Variants in LAMC3 observed in about 807,000 individuals in gnomAD.
The protein encoded by LAMC3 is laminin subunit gamma-3.
LAMC3 carries 128 observed loss-of-function variants against 173.8 expected under a neutral mutation model. That is an observed-to-expected ratio of 0.74 (90% CI 0.64 to 0.85). The LOEUF is 0.85. Ranked by LOEUF, LAMC3 falls within the 40% of genes least tolerant of loss-of-function variation. LAMC3 has a pLI of 0.00. For missense variants in LAMC3, 2,022 were observed against 2,156.0 expected, an observed-to-expected ratio of 0.94 and a Z score of 1.23; for synonymous variants, 897 against 909.1, an observed-to-expected ratio of 0.99 and a Z score of 0.24.
At chr9:131,048,900 G>A in intron 8 of LAMC3, 120 bp from the exon 9 acceptor site, 1 of 626,344 alleles carries the variant, frequency 1.6e-6, no homozygotes, top group East Asian at 2.8e-5. Flanking sequence ...CCGGGTCCCT[G>A]AGCTTTCTAG....
chr9:131,061,792 G>A (rs1829831022), intron 13 of LAMC3, among the ~76,000 whole-genome samples: 1 of 152,190 alleles, frequency 6.6e-6, no homozygotes, highest in Non-Finnish European at 1.5e-5. Flanking sequence ...GCTCATGCCT[G>A]TAATCTCAGC....
chr9:131,082,228 G>A (rs978160385), intron 24 of LAMC3, 67 bp downstream of exon 24: 16 of 1,191,138 alleles, frequency 1.3e-5, no homozygotes, highest in African/African-American at 7.6e-5. Flanking sequence ...CTCACCTCTC[G>A]CCTCAGCCAG....
intron 21 of LAMC3, 99 bp downstream of exon 21, chr9:131,076,064 A>T: frequency 8.2e-7 from 1 of 1,218,504 alleles, no homozygotes; most frequent in South Asian, 1.5e-5. Context: ...AGCTCCCTTG[A>T]GTCCTGACGT....
rs1833376564 is a variant in LAMC3 at position 131,009,671 on chromosome 9, C to T, written c.373+84C>T. 3 of 1,491,762 alleles carry T rather than the reference C, an allele frequency of 2.0e-6. No individual in the cohort carries two copies. The highest frequency in any genetic ancestry group is 2.4e-5 in the South Asian group (2 of 81,942). The allele number at this position is 1,491,762 out of a possible 1,614,324, so 92.4% of individuals were successfully genotyped here. Reference sequence around the variant, plus strand: ...TGAGGCTGAGGCCTGAGCTGCTGTGCGCCCAGGTTGGGCTGCAGGACCCAG... The same window carrying T: ...TGAGGCTGAGGCCTGAGCTGCTGTGTGCCCAGGTTGGGCTGCAGGACCCAG... On this transcript the variant is annotated intron_variant, in intron 1 of 27. Coordinates refer to ENST00000361069, the MANE Select transcript of LAMC3 (RefSeq NM_006059.4). The surrounding 1 kb of genome is among the most constrained non-coding windows in gnomAD (Gnocchi z 4.3).
At position 131,009,573 on chromosome 9, in the gene LAMC3, T is replaced by C. The variant is rs150559384; in HGVS notation, c.359T>C (p.Ile120Thr). Residue 120 changes from isoleucine to threonine, a missense_variant, in exon 1 of 28, where the codon ATC becomes ACC. Coordinates refer to ENST00000361069, the MANE Select transcript of LAMC3 (RefSeq NM_006059.4). The surrounding 1 kb of genome is among the most constrained non-coding windows in gnomAD (Gnocchi z 4.3). ...GTGCAGTACCCCACCTCGGTCAACA[T>C]CACCCTCCGCCTAGGTAAGCGCGGG... ...FGVQYPTSVN[I>T]TLRLGKAYEI... The C allele has an allele frequency of 7.5e-5, 118 of 1,572,934 alleles. No homozygotes were observed. Among genetic ancestry groups the C allele is most frequent in the Non-Finnish European group, 1.6e-5 (18 of 1,160,350 alleles).
chr9:131,048,495 C>A (rs144069924), intron 8 of LAMC3, among the ~76,000 whole-genome samples: 1 of 152,294 alleles, frequency 6.6e-6, no homozygotes, highest in East Asian at 1.9e-4. Flanking sequence ...TCATTGCCCG[C>A]TACCCCCTGG....
intron 14 of LAMC3, among the ~76,000 whole-genome samples, chr9:131,067,448 A>G (rs1048623650): frequency 7.9e-5 from 12 of 152,016 alleles, no homozygotes; most frequent in African/African-American, 2.9e-4. Flanking sequence ...CGAAGCCTGG[A>G]TTGTCTAGTG....
intron 7 of LAMC3, among the ~76,000 whole-genome samples, chr9:131,042,663 C>G (rs543194386): frequency 3.4e-4 from 52 of 151,870 alleles, no homozygotes; most frequent in African/African-American, 1.2e-3. Flanking sequence ...CCTTTCACAG[C>G]CATGGCAGAC....
chr9:131,082,982 C>T (rs781584269), intron 24 of LAMC3, among the ~76,000 whole-genome samples: 13 of 152,228 alleles, frequency 8.5e-5, no homozygotes, highest in Non-Finnish European at 1.5e-4. Context: ...AGCTTCCTGG[C>T]GGCTTGAAGT....
At chr9:131,037,055 G>A (rs1833959615) in intron 4 of LAMC3, among the ~76,000 whole-genome samples, 1 of 152,174 alleles carries the variant, frequency 6.6e-6, no homozygotes, top group African/African-American at 2.4e-5. Flanking sequence ...CTGGGCCACT[G>A]GCGACCAGAA....
chr9:131,046,956 G>C (rs370768562), intron 8 of LAMC3, among the ~76,000 whole-genome samples: 11 of 152,082 alleles, frequency 7.2e-5, no homozygotes, highest in African/African-American at 2.7e-4. Context: ...TGCGCGGACC[G>C]GCGCCGCGTG....
intron 1 of LAMC3, among the ~76,000 whole-genome samples, chr9:131,020,151 TG>T (rs1441114786): frequency 1.3e-5 from 2 of 152,132 alleles, no homozygotes; most frequent in Non-Finnish European, 2.9e-5. Flanking sequence ...GGTGGAAAGC[TG>T]GGCTGGGAAT....
chr9:131,050,768 C>CA (rs35733696), intron 9 of LAMC3, among the ~76,000 whole-genome samples: 1 of 74,176 alleles, frequency 1.3e-5, no homozygotes, highest in Non-Finnish European at 2.7e-5. Context: ...ACTCCATCTC[C>CA]AAAAAAAGGA....
At position 131,026,480 on chromosome 9, in the gene LAMC3, G is replaced by C; in HGVS notation, c.569G>C (p.Cys190Ser). The change falls in exon 2 of 28, where the codon TGC becomes TCC. Residue 190 changes from cysteine (C) to serine (S), a missense_variant. Coordinates refer to ENST00000361069, the MANE Select transcript of LAMC3 (RefSeq NM_006059.4). This position sits in a 1 kb window ranked among gnomAD's most constrained non-coding sequence, Gnocchi z 4.8. The stretch of plus-strand genomic sequence containing the variant: ...GGCGAGGACGAGCGCGTGGCCTTCT[G>C]CACCTCTGAGTTCAGCGACATCTCC... ...RPGEDERVAF[C>S]TSEFSDISPL... 6.2e-7 allele frequency: 1 copy of C among 1,613,432 alleles called. No individual in the cohort carries two copies. The highest frequency in any genetic ancestry group is 1.3e-5 in the African/African-American group (1 of 75,050).
intron 14 of LAMC3, 62 bp downstream of exon 14, chr9:131,067,267 C>A: frequency 6.2e-7 from 1 of 1,603,254 alleles, no homozygotes; most frequent in Non-Finnish European, 8.5e-7. Context: ...TCTGCCCTGG[C>A]TCAGGGCCCA....
intron 1 of LAMC3, among the ~76,000 whole-genome samples, chr9:131,025,435 A>G (rs1247512140): frequency 6.6e-6 from 1 of 152,140 alleles, no homozygotes; most frequent in Non-Finnish European, 1.5e-5. Context: ...GCAGGTGCCT[A>G]AAGCCTGCAG....
chr9:131,029,216 C>T lies in LAMC3; in HGVS notation c.678+2627C>T, dbSNP rs963691790. Among the ~76,000 whole-genome samples the T allele has an allele frequency of 1.3e-5, 2 of 152,244 alleles. No individual in the cohort carries two copies. The highest frequency in any genetic ancestry group is 6.5e-5 in the Admixed American group (1 of 15,290). Reference sequence around the variant, plus strand: ...GGGCCAGGCCCCTCTTTGGGCAAGCCGAATCCTTTATCACACAGTACCACA... The same window carrying T: ...GGGCCAGGCCCCTCTTTGGGCAAGCTGAATCCTTTATCACACAGTACCACA... On this transcript the variant is annotated intron_variant, in intron 2 of 27. Coordinates refer to ENST00000361069, the MANE Select transcript of LAMC3 (RefSeq NM_006059.4). This position sits in a 1 kb window ranked among gnomAD's most constrained non-coding sequence, Gnocchi z 4.6.
chr9:131,077,088 G>A, intron 21 of LAMC3, 99 bp from the exon 22 acceptor site: 1 of 1,526,302 alleles, frequency 6.6e-7, no homozygotes, highest in Non-Finnish European at 9.0e-7. Flanking sequence ...TGGGAAGTTG[G>A]CAGAGGCCTT....
chr9:131,087,394 A>G, intron 25 of LAMC3, 82 bp from the exon 26 acceptor site: 1 of 1,529,802 alleles, frequency 6.5e-7, no homozygotes. Flanking sequence ...ACTGCTTGGC[A>G]TCATTGCCAT....
Sources: gnomAD v4.1 joint callset for allele counts (sites outside exome capture counted in the v4.1 genomes callset) on GRCh38, gnomAD v4.1.1 for gene constraint, Gnocchi (gnomAD v3.1) non-coding constraint, MANE v1.5 for transcripts, NCBI Gene and HGNC (gene_info 2026-07-23, HGNC 2026-07-21) for gene names.